The following MRPS25 variants were observed in gnomAD, a reference collection of about 807,000 sequenced individuals.
MRPS25 encodes the protein small ribosomal subunit protein mS25.
MRPS25 carries 15 observed loss-of-function variants against 17.3 expected under a neutral mutation model. The observed-to-expected ratio is 0.87, with a 90% confidence interval of 0.58 to 1.34. MRPS25 has a LOEUF of 1.34. Among genes scored for constraint, MRPS25 ranks in the 40% most tolerant of loss-of-function variants. The pLI is 0.00. For synonymous variants in MRPS25, 94 were observed against 83.3 expected (o/e 1.13, Z -0.70); for missense variants, 225 against 218.6 (o/e 1.03, Z -0.19).
At chr3:15,059,508 A>G in intron 1 of MRPS25, 33 bp from the exon 2 acceptor site, 1 of 1,460,498 alleles carries the variant, frequency 6.8e-7, no homozygotes, top group Non-Finnish European at 9.5e-7. Flanking sequence ...CCTATGAAAC[A>G]GAGTTTTTAG....
At chr3:15,045,100 T>C (rs1401821129), downstream of MRPS25, 2 of 152,192 alleles carry the variant, frequency 1.3e-5, no homozygotes, top group Non-Finnish European at 2.9e-5. Flanking sequence ...ACAATGGAAT[T>C]AGGGCAGGTT....
At chr3:15,064,936 C>A in intron 1 of MRPS25, 125 bp downstream of exon 1, 1 of 1,264,428 alleles carries the variant, frequency 7.9e-7, no homozygotes, top group East Asian at 2.6e-5. Flanking sequence ...GGGGTAACAG[C>A]GCCGACCTGG....
rs1206927180 is a variant in MRPS25 at position 15,049,074 on chromosome 3, T to C, written c.*3367A>G. On this transcript the variant is annotated 3_prime_UTR_variant, in exon 4 of 4. Transcript: ENST00000253686. ...GGCATTTAAAAAATAGCATGTTCTT[T>C]TTAAACTGAATTTTATATCTAATCA... 6.5e-6 allele frequency: 1 copy of C among 152,674 alleles called. No homozygotes were observed. Among genetic ancestry groups the C allele is most frequent in the African/African-American group, 2.4e-5 (1 of 41,460 alleles). The allele number at this position is 152,674 out of a possible 1,614,324, so 9.5% of individuals were successfully genotyped here. A position where few individuals can be genotyped will look rare whatever the true frequency, so the allele number is the denominator to read the frequency against.
chr3:15,061,391 T>C (rs1019511895), intron 1 of MRPS25, among the ~76,000 whole-genome samples: 1 of 152,174 alleles, frequency 6.6e-6, no homozygotes, highest in Non-Finnish European at 1.5e-5. Context: ...GGTTTTCGTA[T>C]TTTTTTGGTG....
intron 2 of MRPS25, among the ~76,000 whole-genome samples, chr3:15,058,480 T>C (rs1381968025): frequency 1.3e-5 from 2 of 152,228 alleles, no homozygotes; most frequent in African/African-American, 4.8e-5. Context: ...CAAGCCACTG[T>C]GCTTGGCCCT....
chr3:15,050,803 C>A lies in MRPS25; in HGVS notation c.*1638G>T, dbSNP rs992607585. ...CCCCGACAAGCCATCACCCCAAACC[C>A]AGATCTGGTACAGAATCAAACTTGA... On this transcript the variant is annotated 3_prime_UTR_variant, in exon 4 of 4. Coordinates refer to ENST00000253686, the MANE Select transcript of MRPS25 (RefSeq NM_022497.5). 46 of 985,344 alleles carry A rather than the reference C, an allele frequency of 4.7e-5. No homozygotes were observed. Among genetic ancestry groups the A allele is most frequent in the Non-Finnish European group, 5.5e-5 (46 of 829,964 alleles). The allele number at this position is 985,344 out of a possible 1,614,324, so 61.0% of individuals were successfully genotyped here.
chr3:15,050,375 G>C lies in MRPS25; in HGVS notation c.*2066C>G, dbSNP rs1349340355. 5.9e-6 allele frequency: 6 copies of C among 1,025,404 alleles called. No homozygotes were observed. The highest frequency in any genetic ancestry group is 5.8e-6 in the Non-Finnish European group (5 of 857,376). The allele number at this position is 1,025,404 out of a possible 1,614,324, so 63.5% of individuals were successfully genotyped here. A position where few individuals can be genotyped will look rare whatever the true frequency, so the allele number is the denominator to read the frequency against. ...CAGACATTTATTCTGTCTAGAGAATGGTCACCACTCCTTTTGGTTCAGGAC... is the reference window on the plus strand; with the variant it reads ...CAGACATTTATTCTGTCTAGAGAATCGTCACCACTCCTTTTGGTTCAGGAC... On this transcript the variant is annotated 3_prime_UTR_variant, in exon 4 of 4. Coordinates refer to ENST00000253686, the MANE Select transcript of MRPS25 (RefSeq NM_022497.5).
chr3:15,046,020 G>T (rs1487325011), downstream of MRPS25: 1 of 152,338 alleles, frequency 6.6e-6, no homozygotes, highest in East Asian at 1.9e-4. Context: ...AACAGGACAG[G>T]AAGAGATTTT....
chr3:15,064,248 T>C (rs369695227), intron 1 of MRPS25, among the ~76,000 whole-genome samples: 208 of 152,264 alleles, frequency 1.4e-3, no homozygotes, highest in African/African-American at 4.8e-3. Context: ...TCAATAAATG[T>C]AGACTTCATA....
rs1467896619 is a variant in MRPS25, at chr3:15,049,896, A to G, written c.*2545T>C. ...CAGCCTCCTGAGTAACTGGGACCAC[A>G]GCAGATGATACAGGTTTAGATGGTG... On this transcript the variant is annotated 3_prime_UTR_variant, in exon 4 of 4. Coordinates refer to ENST00000253686, the MANE Select transcript of MRPS25 (RefSeq NM_022497.5). The G allele has an allele frequency of 6.5e-7, 1 of 1,529,782 alleles. No homozygotes were observed. Among genetic ancestry groups the G allele is most frequent in the African/African-American group, 1.4e-5 (1 of 72,888 alleles). The allele number at this position is 1,529,782 out of a possible 1,614,324, so 94.8% of individuals were successfully genotyped here.
At chr3:15,061,236 CCT>C (rs1202426494) in intron 1 of MRPS25, among the ~76,000 whole-genome samples, 1 of 152,098 alleles carries the variant, frequency 6.6e-6, no homozygotes, top group African/African-American at 2.4e-5. Flanking sequence ...TCTCCCTCTC[CCT>C]CTTTCCACGG....
At chr3:15,061,423 G>A (rs1431934250) in intron 1 of MRPS25, among the ~76,000 whole-genome samples, 3 of 152,182 alleles carry the variant, frequency 2.0e-5, no homozygotes, top group African/African-American at 7.2e-5. Flanking sequence ...TCGCTGTGTT[G>A]GCCGGGCTGG....
At position 15,065,085 on chromosome 3, in the gene MRPS25, T is replaced by G; in HGVS notation, c.110A>C (p.His37Pro). Residue 37 changes from histidine to proline, a missense_variant, in exon 1 of 4, where the codon CAT becomes CCT. Coordinates refer to ENST00000253686, the MANE Select transcript of MRPS25 (RefSeq NM_022497.5). ...CCTGGCGCCCTCGCCCAGCTCCCCA[T>G]GCGTGTTGTAATTCACTGTCATGAC... The part of the protein sequence containing the change: ...VKVMTVNYNT[H>P]GELGEGARKF... The G allele has an allele frequency of 6.2e-7, 1 of 1,603,932 alleles. No individual in the cohort carries two copies. The highest frequency in any genetic ancestry group is 8.5e-7 in the Non-Finnish European group (1 of 1,176,028).
At chr3:15,044,213 T>C (rs1342919191), downstream of MRPS25, 1 of 152,214 alleles carries the variant, frequency 6.6e-6, no homozygotes, top group African/African-American at 2.4e-5. Context: ...GGACAATTTC[T>C]TCCTGTTGAC....
chr3:15,057,470 C>T (rs902220230), intron 2 of MRPS25, among the ~76,000 whole-genome samples: 4 of 152,200 alleles, frequency 2.6e-5, no homozygotes, highest in Non-Finnish European at 5.9e-5. Flanking sequence ...GCAAAAACCA[C>T]GAAACATGTA....
chr3:15,061,372 C>T (rs1015003796), intron 1 of MRPS25, among the ~76,000 whole-genome samples: 7 of 152,206 alleles, frequency 4.6e-5, no homozygotes, highest in African/African-American at 1.4e-4. Flanking sequence ...CGCGCTGCCA[C>T]GCCTGACTGG....
rs1324930634 is a variant in MRPS25, at chr3:15,059,403, G to A, written c.207C>T (p.Asn69=). 6.2e-7 allele frequency: 1 copy of A among 1,613,664 alleles called. No homozygotes were observed. The highest frequency in any genetic ancestry group is 8.5e-7 in the Non-Finnish European group (1 of 1,179,680). ...ATCGCAGGAAGGGTGACGGCGTCAT[G>A]TTCTTAAACATCATGATCTGCACCC... ...NPWVQIMMFK[N]MTPSPFLRFY... is the part of the protein sequence containing the mutation. The change falls in exon 2 of 4, where the codon AAC becomes AAT. Residue 69 remains asparagine, a synonymous_variant. Coordinates refer to ENST00000253686, the MANE Select transcript of MRPS25 (RefSeq NM_022497.5).
chr3:15,053,540 G>C (rs772182903), intron 2 of MRPS25, 73 bp from the exon 3 acceptor site: 4 of 1,572,130 alleles, frequency 2.5e-6, no homozygotes, highest in Non-Finnish European at 3.5e-6. Flanking sequence ...GTTGTAATTT[G>C]GGACTTGCTT....
intron 1 of MRPS25, among the ~76,000 whole-genome samples, chr3:15,061,870 G>A (rs1415651411): frequency 6.0e-5 from 9 of 148,998 alleles, no homozygotes; most frequent in African/African-American, 7.5e-5. Context: ...CAGCCACCCC[G>A]TCTGAGAAGG....
Sources: gnomAD v4.1 joint callset for allele counts (sites outside exome capture counted in the v4.1 genomes callset) on GRCh38, gnomAD v4.1.1 for gene constraint, MANE v1.5 for transcripts, NCBI Gene and HGNC (gene_info 2026-07-23, HGNC 2026-07-21) for gene names.